The following TIMP3 variants were observed in gnomAD, a reference collection of about 807,000 sequenced individuals.
TIMP3 encodes the protein metalloproteinase inhibitor 3.
A neutral mutation model predicts 30.0 loss-of-function variants in TIMP3; 11 were observed. The ratio of observed to expected loss-of-function variants is 0.37; its 90% CI spans 0.23 to 0.61. The LOEUF (loss-of-function observed/expected upper bound fraction) is 0.61. Ranked by LOEUF, TIMP3 falls within the 20% of genes least tolerant of loss-of-function variation. The pLI is 0.70. For synonymous variants in TIMP3, 112 were observed against 111.3 expected (o/e 1.01, Z -0.04); for missense variants, 181 against 276.8 (o/e 0.65, Z 2.45).
chr22:32,848,842 C>T (rs1384968083), intron 1 of TIMP3, among the ~76,000 whole-genome samples: 1 of 152,078 alleles, frequency 6.6e-6, no homozygotes, highest in Admixed American at 6.5e-5. Flanking sequence ...CCCAATTGCT[C>T]CTTCTTCTAA....
At chr22:32,806,127 T>G (rs2046728572) in intron 1 of TIMP3, among the ~76,000 whole-genome samples, 1 of 151,858 alleles carries the variant, frequency 6.6e-6, no homozygotes, top group African/African-American at 2.4e-5. Flanking sequence ...ACTCTTCCCT[T>G]AAAGGTGGGA....
At chr22:32,802,166 G>A (rs759859233) in intron 1 of TIMP3, 44 bp downstream of exon 1, 18 of 1,556,866 alleles carry the variant, frequency 1.2e-5, no homozygotes, top group Non-Finnish European at 9.5e-6. Context: ...GCTGCAGCCA[G>A]GACTGCAGCG....
chr22:32,823,218 C>T (rs188032182), intron 1 of TIMP3, among the ~76,000 whole-genome samples: 1 of 152,312 alleles, frequency 6.6e-6, no homozygotes, highest in African/African-American at 2.4e-5. Context: ...TAGGCGCCAC[C>T]TTCTGGCTCC....
chr22:32,836,770 A>G (rs1046567737), intron 1 of TIMP3, among the ~76,000 whole-genome samples: 28 of 152,212 alleles, frequency 1.8e-4, no homozygotes, highest in Non-Finnish European at 4.4e-5. Context: ...TACAGAATGA[A>G]GCTTGTGGAA....
In TIMP3 at chr22:32,801,814, C is replaced by G; in HGVS notation, c.-188C>G. On this transcript the variant is annotated 5_prime_UTR_variant, in exon 1 of 5. Coordinates refer to ENST00000266085, the MANE Select transcript of TIMP3 (RefSeq NM_000362.5). The surrounding 1 kb of genome is among the most constrained non-coding windows in gnomAD (Gnocchi z 4.7). ...GGCCGCCCGCCGAGTCCTGCGCCAG[C>G]GCCGAGGCAGCCTCGCTGCGCCCCA... The G allele has an allele frequency of 3.4e-6, 2 of 583,074 alleles. No individual in the cohort carries two copies. Among genetic ancestry groups the G allele is most frequent in the Non-Finnish European group, 2.4e-6 (1 of 424,052 alleles). The allele number at this position is 583,074 out of a possible 1,614,324, so 36.1% of individuals were successfully genotyped here.
At chr22:32,807,387 TA>T (rs2046786824) in intron 1 of TIMP3, among the ~76,000 whole-genome samples, 1 of 98,848 alleles carries the variant, frequency 1.0e-5, no homozygotes, top group Non-Finnish European at 2.0e-5. Context: ...TAATATATAT[TA>T]TATATAATAT....
At chr22:32,854,006 CT>C (rs1276564332) in intron 2 of TIMP3, among the ~76,000 whole-genome samples, 1 of 152,180 alleles carries the variant, frequency 6.6e-6, no homozygotes, top group Non-Finnish European at 1.5e-5. Flanking sequence ...CCTTTAACAT[CT>C]TTTCCAACTC....
chr22:32,828,733 G>C (rs1229767160), intron 1 of TIMP3, among the ~76,000 whole-genome samples: 1 of 152,212 alleles, frequency 6.6e-6, no homozygotes, highest in South Asian at 2.1e-4. Context: ...TTCTTGGCCG[G>C]TTCTGGGAGA....
intron 1 of TIMP3, among the ~76,000 whole-genome samples, chr22:32,828,474 C>T (rs2047478289): frequency 6.6e-6 from 1 of 152,154 alleles, no homozygotes; most frequent in Non-Finnish European, 1.5e-5. Context: ...TGCTGTGCAC[C>T]CAGGAAAGAA....
intron 1 of TIMP3, among the ~76,000 whole-genome samples, chr22:32,807,386 TTATA>T (rs1306965767): frequency 9.6e-6 from 1 of 104,300 alleles, no homozygotes; most frequent in Non-Finnish European, 1.9e-5. Flanking sequence ...ATAATATATA[TTATA>T]TATAATATAT....
intron 1 of TIMP3, among the ~76,000 whole-genome samples, chr22:32,807,330 ATT>A (rs2046771101): frequency 2.9e-5 from 2 of 68,710 alleles, no homozygotes; most frequent in Non-Finnish European, 5.2e-5. Flanking sequence ...TAAATATATA[ATT>A]TATATATAAT....
At chr22:32,806,412 A>G (rs2046737364) in intron 1 of TIMP3, among the ~76,000 whole-genome samples, 1 of 152,338 alleles carries the variant, frequency 6.6e-6, no homozygotes, top group South Asian at 2.1e-4. Context: ...AACAAAAACA[A>G]CAACACGATT....
intron 1 of TIMP3, among the ~76,000 whole-genome samples, chr22:32,840,284 GAGTT>G (rs1231918696): frequency 6.6e-6 from 1 of 152,176 alleles, no homozygotes; most frequent in Non-Finnish European, 1.5e-5. Context: ...TTAACGGAAA[GAGTT>G]AGTCAGGACA....
chr22:32,856,340 A>C (rs1206029772), intron 2 of TIMP3, among the ~76,000 whole-genome samples: 2 of 152,074 alleles, frequency 1.3e-5, no homozygotes, highest in Non-Finnish European at 2.9e-5. Flanking sequence ...CTGCACAGGA[A>C]GGTTTCTCTG....
chr22:32,833,803 T>C (rs1167145349), intron 1 of TIMP3: 1 of 500,250 alleles, frequency 2.0e-6, no homozygotes, highest in African/African-American at 2.0e-5. Flanking sequence ...TATAGGGCCC[T>C]AGTGAGGCTC....
chr22:32,851,429 G>C (rs758435197), intron 2 of TIMP3, among the ~76,000 whole-genome samples: 5 of 152,010 alleles, frequency 3.3e-5, no homozygotes, highest in African/African-American at 1.2e-4. Context: ...GACCAGCCAC[G>C]GGTGGTTGTT....
intron 1 of TIMP3, among the ~76,000 whole-genome samples, chr22:32,840,266 A>G (rs756131524): frequency 1.3e-5 from 2 of 152,046 alleles, no homozygotes; most frequent in African/African-American, 2.4e-5. Context: ...CAAGATTAAT[A>G]TTTTTACTTA....
At chr22:32,847,209 G>A (rs923805489) in intron 1 of TIMP3, among the ~76,000 whole-genome samples, 1 of 152,218 alleles carries the variant, frequency 6.6e-6, no homozygotes, top group African/African-American at 2.4e-5. Context: ...CGGAGGTGAA[G>A]CTGTTATAAC....
chr22:32,819,587 T>A (rs2047179993), intron 1 of TIMP3, among the ~76,000 whole-genome samples: 1 of 152,018 alleles, frequency 6.6e-6, no homozygotes, highest in African/African-American at 2.4e-5. Flanking sequence ...AGTGCTAAGG[T>A]CACAAAAATG....
Sources: gnomAD v4.1 joint callset for allele counts (sites outside exome capture counted in the v4.1 genomes callset) on GRCh38, gnomAD v4.1.1 for gene constraint, Gnocchi (gnomAD v3.1) non-coding constraint, MANE v1.5 for transcripts, NCBI Gene and HGNC (gene_info 2026-07-23, HGNC 2026-07-21) for gene names.